STK32C: variants seen among roughly 807,000 people sequenced by gnomAD.
STK32C encodes serine/threonine-protein kinase 32C.
STK32C carries 31 observed loss-of-function variants against 56.5 expected under a neutral mutation model. That is an observed-to-expected ratio of 0.55 (90% CI 0.41 to 0.74). The LOEUF is 0.74. Ranked by LOEUF, STK32C falls within the 30% of genes least tolerant of loss-of-function variation. The pLI, the probability that STK32C is intolerant of heterozygous loss-of-function variation, is 0.00. For missense variants in STK32C, 544 were observed against 676.9 expected (o/e 0.80, Z 2.18); for synonymous variants, 309 against 289.4 (o/e 1.07, Z -0.69).
chr10:132,271,709 A>G (rs1564763840), intron 1 of STK32C, among the ~76,000 whole-genome samples: 2 of 152,180 alleles, frequency 1.3e-5, no homozygotes, highest in Non-Finnish European at 2.9e-5. Flanking sequence ...CACACATCGG[A>G]GTGACCTGGG....
At chr10:132,312,771 G>A (rs1355244938), upstream of STK32C, among the ~76,000 whole-genome samples, 2 of 152,254 alleles carry the variant, frequency 1.3e-5, no homozygotes, top group African/African-American at 4.8e-5. Context: ...CAGATGCAGT[G>A]GCTCATGCCT....
At chr10:132,270,614 C>T (rs911441714) in intron 1 of STK32C, among the ~76,000 whole-genome samples, 2 of 152,236 alleles carry the variant, frequency 1.3e-5, no homozygotes, top group Non-Finnish European at 2.9e-5. Flanking sequence ...ACGCCTGCTC[C>T]CCGGCCTGCC....
At chr10:132,209,459 C>T (rs1037505941) in intron 10 of STK32C, 2 of 450,474 alleles carry the variant, frequency 4.4e-6, no homozygotes, top group African/African-American at 3.9e-5. Flanking sequence ...TCTCCCAGCC[C>T]CTCATCACAG....
At chr10:132,287,208 T>G (rs2065430976) in intron 1 of STK32C, among the ~76,000 whole-genome samples, 1 of 152,070 alleles carries the variant, frequency 6.6e-6, no homozygotes, top group Non-Finnish European at 1.5e-5. Flanking sequence ...AAAATCAATT[T>G]TTGGCCAGGC....
At chr10:132,330,634 C>G in intron 1 of STK32C, 2 of 669,106 alleles carry the variant, frequency 3.0e-6, no homozygotes, top group Non-Finnish European at 5.5e-6. Flanking sequence ...CACCCTCCCA[C>G]ACAGCTGGAA....
At chr10:132,274,018 C>T (rs1015283807) in intron 1 of STK32C, among the ~76,000 whole-genome samples, 10 of 152,204 alleles carry the variant, frequency 6.6e-5, no homozygotes, top group African/African-American at 2.2e-4. Context: ...CCATAAGATC[C>T]GCAAGTTGTG....
chr10:132,321,379 G>A (rs960463862), downstream of STK32C, among the ~76,000 whole-genome samples: 1 of 152,178 alleles, frequency 6.6e-6, no homozygotes, highest in African/African-American at 2.4e-5. Context: ...GGTTTGTTAT[G>A]TGGAATTCTG....
intron 1 of STK32C, among the ~76,000 whole-genome samples, chr10:132,283,506 T>C (rs914634905): frequency 2.0e-5 from 3 of 152,114 alleles, no homozygotes; most frequent in Admixed American, 2.0e-4. Flanking sequence ...AGATGGGCAG[T>C]GGGGAGGGCT....
chr10:132,272,890 C>G (rs1225755850), intron 1 of STK32C, among the ~76,000 whole-genome samples: 1 of 152,228 alleles, frequency 6.6e-6, no homozygotes, highest in East Asian at 1.9e-4. Flanking sequence ...TCCACCCTCC[C>G]TGTGCCTGAC....
chr10:132,330,501 T>G (rs7085852), intron 1 of STK32C: 2 of 716,262 alleles, frequency 2.8e-6, no homozygotes, highest in South Asian at 1.5e-5. Flanking sequence ...TGGTAGATAG[T>G]TGGGTATGTA....
intron 1 of STK32C, among the ~76,000 whole-genome samples, chr10:132,284,007 C>A (rs968720213): frequency 6.6e-6 from 1 of 152,094 alleles, no homozygotes; most frequent in African/African-American, 2.4e-5. Context: ...ACGGAATGTG[C>A]CCTTCTCTGT....
At chr10:132,214,091 AT>A (rs2062396065) in intron 10 of STK32C, among the ~76,000 whole-genome samples, 1 of 152,150 alleles carries the variant, frequency 6.6e-6, no homozygotes, top group Non-Finnish European at 1.5e-5. Flanking sequence ...AGAACAGAAT[AT>A]TTGAAATAAT....
intron 1 of STK32C, among the ~76,000 whole-genome samples, chr10:132,326,156 T>C (rs1055345443): frequency 6.6e-6 from 1 of 152,228 alleles, no homozygotes; most frequent in Non-Finnish European, 1.5e-5. Flanking sequence ...TGTTAGATTC[T>C]TCACAGATAC....
At chr10:132,256,353 A>G (rs1325977306) in intron 1 of STK32C, among the ~76,000 whole-genome samples, 1 of 152,130 alleles carries the variant, frequency 6.6e-6, no homozygotes, top group East Asian at 1.9e-4. Context: ...GCTTCCACCC[A>G]TAAAACAGGC....
At chr10:132,328,993 C>A (rs1415579512) in intron 1 of STK32C, among the ~76,000 whole-genome samples, 2 of 152,236 alleles carry the variant, frequency 1.3e-5, no homozygotes, top group Non-Finnish European at 2.9e-5. Context: ...TCTGCAGAAG[C>A]CTGCAAGCCT....
chr10:132,224,266 C>G (rs916399304), intron 8 of STK32C, 141 bp downstream of exon 8: 5 of 674,332 alleles, frequency 7.4e-6, no homozygotes, highest in Non-Finnish European at 1.3e-5. Context: ...TGCGGAGGCC[C>G]CCACAGGTTG....
At chr10:132,221,045 T>C (rs983766651) in intron 10 of STK32C, among the ~76,000 whole-genome samples, 4 of 152,264 alleles carry the variant, frequency 2.6e-5, no homozygotes, top group South Asian at 2.1e-4. Flanking sequence ...GAGAGACGCA[T>C]TGCTGTTCTT....
Position 132,208,950 on chromosome 10 carries a change from C to T in STK32C, c.1319+84G>A, listed in dbSNP as rs574179703. 19 of 1,324,850 alleles carry T rather than the reference C, an allele frequency of 1.4e-5. No homozygotes were observed. In the East Asian group the frequency reaches 1.7e-4, roughly 12 times the overall value. The allele number at this position is 1,324,850 out of a possible 1,614,324, so 82.1% of individuals were successfully genotyped here. A position where few individuals can be genotyped will look rare whatever the true frequency, so the allele number is the denominator to read the frequency against. ...CACGCACCCCAGGCCCACAGGTGCC[C>T]GCTCACGTGGCCAAGAAAACCTTAA... On this transcript the variant is annotated intron_variant, in intron 11 of 11. Transcript: ENST00000298630.
rs145559368 is a variant in STK32C, at chr10:132,255,964, T to C, written c.263-10009A>G. ...ACACCCTGGAGCCCTGGTGTCCAGCTTGGACTCGCCCGGGTGGCTTGGCGG... is the reference window on the plus strand; with the variant it reads ...ACACCCTGGAGCCCTGGTGTCCAGCCTGGACTCGCCCGGGTGGCTTGGCGG... On this transcript the variant is annotated intron_variant, in intron 1 of 11. Transcript: ENST00000298630. The surrounding 1 kb of genome is among the most constrained non-coding windows in gnomAD (Gnocchi z 4.6). Among the ~76,000 whole-genome samples, 1,241 of 152,316 alleles carry C rather than the reference T, an allele frequency of 8.1e-3. 11 individuals carry two copies. The highest frequency in any genetic ancestry group is 0.027 in the African/African-American group (1,137 of 41,576).
Sources: allele counts gnomAD v4.1 joint callset (sites outside exome capture counted in the v4.1 genomes callset), GRCh38; gene constraint gnomAD v4.1.1; non-coding constraint Gnocchi (gnomAD v3.1); transcripts MANE v1.5; gene names NCBI Gene and HGNC (gene_info 2026-07-23, HGNC 2026-07-21).